The following MRPS16 variants were observed in gnomAD, a reference collection of about 807,000 sequenced individuals.
MRPS16 encodes the protein mitochondrial ribosomal protein S16.
MRPS16 carries 5 observed loss-of-function variants against 11.0 expected under a neutral mutation model. The observed-to-expected ratio is 0.46, with a 90% CI of 0.24 to 0.96. The LOEUF (loss-of-function observed/expected upper bound fraction) is 0.96, where lower values mean the gene tolerates loss of function less well. MRPS16 is among the 40% of genes least tolerant of loss of function. The probability of loss-of-function intolerance (pLI) is 0.20; values close to 1 mark genes in which losing one functional copy is unlikely to be tolerated. For synonymous variants in MRPS16, 76 were observed against 65.0 expected (o/e 1.17, Z -0.81); for missense variants, 179 against 174.4 (o/e 1.03, Z -0.15).
Position 73,252,031 on chromosome 10 carries a change from A to C in MRPS16, c.14-8T>G, listed in dbSNP as rs760558943. ...CCTTGCAGAGGAGAGTAGCTGTAGA[A>C]AAGCAGCTGGTTAGGACACAAAAAA... On this transcript the variant is annotated splice_region_variant and splice_polypyrimidine_tract_variant and intron_variant, in intron 1 of 2. Coordinates refer to ENST00000372945, the MANE Select transcript of MRPS16 (RefSeq NM_016065.4). The C allele has an allele frequency of 8.1e-6, 13 of 1,611,958 alleles. No individual in the cohort carries two copies. The highest frequency in any genetic ancestry group is 1.3e-5 in the African/African-American group (1 of 74,848).
rs1200364283 is a variant in MRPS16, at chr10:73,249,301, C to T, written c.*1551G>A. ...TCACTGACTTCAGGCTTTTAAAACA[C>T]ATGGGAATACTTGAGACCTAAGAAT... On this transcript the variant is annotated 3_prime_UTR_variant, in exon 3 of 3. Coordinates refer to ENST00000372945, the MANE Select transcript of MRPS16 (RefSeq NM_016065.4). 2.6e-6 allele frequency: 4 copies of T among 1,550,066 alleles called. No individual in the cohort carries two copies. Among genetic ancestry groups the T allele is most frequent in the Admixed American group, 3.9e-5 (2 of 50,982 alleles).
In MRPS16 at chr10:73,252,637, A is replaced by C; in HGVS notation, c.-155T>G. The stretch of plus-strand genomic sequence containing the variant: ...ACAAGCCCGAAAACCTCGACTCCGG[A>C]AGCGGATGATCCGCTCGCCACGCCT... On this transcript the variant is annotated 5_prime_UTR_variant, in exon 1 of 3. Transcript: ENST00000372945. 3.7e-6 allele frequency: 4 copies of C among 1,072,788 alleles called. No individual in the cohort carries two copies. Among genetic ancestry groups the C allele is most frequent in the South Asian group, 1.4e-5 (1 of 71,894 alleles). 66.5% of individuals were successfully genotyped at this position (1,072,788 alleles called of 1,614,324 possible).
Position 73,250,612 on chromosome 10 carries a change from C to T in MRPS16, c.*240G>A. ...AGCCCAACTCAAAAGTCCAATCCTC[C>T]CATAGCCACTGTCTATCCCAAGACA... On this transcript the variant is annotated 3_prime_UTR_variant, in exon 3 of 3. Transcript: ENST00000372945. 2.0e-6 allele frequency: 1 copy of T among 512,030 alleles called. No individual in the cohort carries two copies. The allele number at this position is 512,030 out of a possible 1,614,324, so 31.7% of individuals were successfully genotyped here. A position where few individuals can be genotyped will look rare whatever the true frequency, so the allele number is the denominator to read the frequency against.
At chr10:73,252,265 G>C in intron 1 of MRPS16, 1 of 1,039,792 alleles carries the variant, frequency 9.6e-7, no homozygotes, top group Non-Finnish European at 1.4e-6. Flanking sequence ...TGACCTTGTC[G>C]GAGCCTTAGC....
In MRPS16 at chr10:73,252,516, C is replaced by A; in HGVS notation, c.-34G>T. 1 of 1,604,574 alleles carries A rather than the reference C, an allele frequency of 6.2e-7. No individual in the cohort carries two copies. Among genetic ancestry groups the A allele is most frequent in the Non-Finnish European group, 8.5e-7 (1 of 1,179,346 alleles). On this transcript the variant is annotated 5_prime_UTR_variant, in exon 1 of 3. Coordinates refer to ENST00000372945, the MANE Select transcript of MRPS16 (RefSeq NM_016065.4). ...CGGCGTGCGGCTCCTCGGAGAGCCC[C>A]GCTACCCGCACGCACCAGCTCTACG...
Position 73,251,806 on chromosome 10 carries a change from A to T in MRPS16, c.231T>A (p.Ile77=). ...GCTTAGAGAGGTGGGCCCCGCAGCC[A>T]ATCCAATGACGGATCCTGTCTAGGT... The part of the protein sequence containing the change: ...ALNLDRIRHW[I]GCGAHLSKPM... Residue 77 remains isoleucine, a synonymous_variant, in exon 2 of 3, where the codon ATT becomes ATA. Transcript: ENST00000372945. The T allele has an allele frequency of 6.2e-7, 1 of 1,614,232 alleles. No individual in the cohort carries two copies. Among genetic ancestry groups the T allele is most frequent in the Non-Finnish European group, 8.5e-7 (1 of 1,180,048 alleles).
rs1487194974 is a variant in MRPS16 at position 73,251,746 on chromosome 10, G to A, written c.274+17C>T. On this transcript the variant is annotated intron_variant, in intron 2 of 2. Coordinates refer to ENST00000372945, the MANE Select transcript of MRPS16 (RefSeq NM_016065.4). ...GTTTAAAATCCCCTCAATAAGGTAAGACCAGAGCTGAGTTACCCAGAAGCT... is the reference window on the plus strand; with the variant it reads ...GTTTAAAATCCCCTCAATAAGGTAAAACCAGAGCTGAGTTACCCAGAAGCT... 3 of 1,613,978 alleles carry A rather than the reference G, an allele frequency of 1.9e-6. No homozygotes were observed. Among genetic ancestry groups the A allele is most frequent in the Non-Finnish European group, 1.7e-6 (2 of 1,180,032 alleles).
In MRPS16 at chr10:73,252,527, C is replaced by G; in HGVS notation, c.-45G>C. 1 of 1,602,614 alleles carries G rather than the reference C, an allele frequency of 6.2e-7. No individual in the cohort carries two copies. Among genetic ancestry groups the G allele is most frequent in the Non-Finnish European group, 8.5e-7 (1 of 1,178,902 alleles). ...TCCTCGGAGAGCCCCGCTACCCGCA[C>G]GCACCAGCTCTACGGCCTTGGCAGG... On this transcript the variant is annotated 5_prime_UTR_variant, in exon 1 of 3. Transcript: ENST00000372945.
At position 73,252,018 on chromosome 10, in the gene MRPS16, G is replaced by C. The variant is rs770321125; in HGVS notation, c.19C>G (p.Leu7Val). Reference protein sequence around the residue: MVHLTTLLCKAYRGGHL... With the variant: MVHLTTVLCKAYRGGHL... Reference sequence around the variant, plus strand: ...CCCCCACGGTAGGCCTTGCAGAGGAGAGTAGCTGTAGAAAAGCAGCTGGTT... The same window carrying C: ...CCCCCACGGTAGGCCTTGCAGAGGACAGTAGCTGTAGAAAAGCAGCTGGTT... The change falls in exon 2 of 3, where the codon CTC (leucine) becomes GTC (valine). Residue 7 changes from leucine (L) to valine (V), a missense_variant. Coordinates refer to ENST00000372945, the MANE Select transcript of MRPS16 (RefSeq NM_016065.4). 1.2e-6 allele frequency: 2 copies of C among 1,613,492 alleles called. No homozygotes were observed. Among genetic ancestry groups the C allele is most frequent in the South Asian group, 2.2e-5 (2 of 90,990 alleles).
Position 73,250,699 on chromosome 10 carries a change from C to T in MRPS16, c.*153G>A, listed in dbSNP as rs1238442676. ...CTAAGTCACACAAGAACAAATCTCT[C>T]CCTGGGCCCTGTGCAGGCCAGGCCA... On this transcript the variant is annotated 3_prime_UTR_variant, in exon 3 of 3. Transcript: ENST00000372945. 3 of 1,001,650 alleles carry T rather than the reference C, an allele frequency of 3.0e-6. No homozygotes were observed. Among genetic ancestry groups the T allele is most frequent in the Non-Finnish European group, 4.6e-6 (3 of 646,928 alleles). The allele number at this position is 1,001,650 out of a possible 1,614,324, so 62.0% of individuals were successfully genotyped here.
At position 73,249,862 on chromosome 10, in the gene MRPS16, G is replaced by A. The variant is rs1192525643; in HGVS notation, c.*990C>T. On this transcript the variant is annotated 3_prime_UTR_variant, in exon 3 of 3. Transcript: ENST00000372945. ...GGAGGCCGAGGTGGGCAGATCACAAGGTCAGATTGAGACCATCCTGGCCAA... is the reference window on the plus strand; with the variant it reads ...GGAGGCCGAGGTGGGCAGATCACAAAGTCAGATTGAGACCATCCTGGCCAA... The A allele has an allele frequency of 2.0e-5, 3 of 152,698 alleles. No individual in the cohort carries two copies. The highest frequency in any genetic ancestry group is 4.1e-4 in the South Asian group (2 of 4,836). 9.5% of individuals were successfully genotyped at this position (152,698 alleles called of 1,614,324 possible). A position where few individuals can be genotyped will look rare whatever the true frequency, so the allele number is the denominator to read the frequency against.
rs2044078892 is a variant in MRPS16 at position 73,250,780 on chromosome 10, T to G, written c.*72A>C. The G allele has an allele frequency of 6.3e-7, 1 of 1,584,436 alleles. No homozygotes were observed. Among genetic ancestry groups the G allele is most frequent in the South Asian group, 1.1e-5 (1 of 90,276 alleles). On this transcript the variant is annotated 3_prime_UTR_variant, in exon 3 of 3. Transcript: ENST00000372945. ...TTATTGAACTCCAAATCTAACAAAATTAAGATCGCTGCAGTGTTTCAAAAG... is the reference window on the plus strand; with the variant it reads ...TTATTGAACTCCAAATCTAACAAAAGTAAGATCGCTGCAGTGTTTCAAAAG...
At position 73,251,826 on chromosome 10, in the gene MRPS16, C is replaced by G; in HGVS notation, c.211G>C (p.Asp71His). 1 of 1,614,204 alleles carries G rather than the reference C, an allele frequency of 6.2e-7. No homozygotes were observed. The highest frequency in any genetic ancestry group is 1.1e-5 in the South Asian group (1 of 91,088). ...CAGCCAATCCAATGACGGATCCTGT[C>G]TAGGTTGAGGGCAACGAGTTTTTCT... ...HGEKLVALNL[D>H]RIRHWIGCGA... The change falls in exon 2 of 3, where the codon GAC (aspartate) becomes CAC (histidine). Residue 71 changes from aspartate (D) to histidine (H), a missense_variant. Coordinates refer to ENST00000372945, the MANE Select transcript of MRPS16 (RefSeq NM_016065.4).
Position 73,249,526 on chromosome 10 carries a change from C to A in MRPS16, c.*1326G>T. The A allele has an allele frequency of 2.0e-6, 1 of 507,642 alleles. No individual in the cohort carries two copies. The highest frequency in any genetic ancestry group is 3.2e-5 in the East Asian group (1 of 31,136). The allele number at this position is 507,642 out of a possible 1,614,324, so 31.4% of individuals were successfully genotyped here. Reference sequence around the variant, plus strand: ...AACACAGAGCAGCCTTCTTAACCTGCTCCATAAAATTACCAGCAAGAAAGA... The same window carrying A: ...AACACAGAGCAGCCTTCTTAACCTGATCCATAAAATTACCAGCAAGAAAGA... On this transcript the variant is annotated 3_prime_UTR_variant, in exon 3 of 3. Transcript: ENST00000372945.
chr10:73,252,088 C>T (rs892160544), intron 1 of MRPS16, 65 bp from the exon 2 acceptor site: 1 of 1,563,676 alleles, frequency 6.4e-7, no homozygotes, highest in East Asian at 2.4e-5. Context: ...ACACAGACGG[C>T]ACAATTCCCT....
At chr10:73,251,702 T>G in intron 2 of MRPS16, 61 bp downstream of exon 2, 1 of 1,609,988 alleles carries the variant, frequency 6.2e-7, no homozygotes, top group Non-Finnish European at 8.5e-7. Flanking sequence ...TTACACCTAC[T>G]GTCCTGGAGC....
chr10:73,252,158 CTTCT>C (rs993842333), intron 1 of MRPS16, 135 bp from the exon 2 acceptor site: 7 of 1,372,944 alleles, frequency 5.1e-6, no homozygotes, highest in Non-Finnish European at 7.0e-6. Context: ...AGATGCTACT[CTTCT>C]TTGTGAAACC....
In MRPS16 at chr10:73,251,904, C is replaced by T; in HGVS notation, c.133G>A (p.Gly45Ser). The change falls in exon 2 of 3, where the codon GGC (glycine) becomes AGC (serine). Residue 45 changes from glycine to serine, a missense_variant. Gly to Ser is a moderately conservative substitution (Grantham distance 56). Coordinates refer to ENST00000372945, the MANE Select transcript of MRPS16 (RefSeq NM_016065.4). ...GAGCCCAGCTGCTCTACGAAACGGC[C>T]ATCCCTGGGACACTTGTTGTGAGCA... ...VAAHNKCPRD[G>S]RFVEQLGSYD... The T allele has an allele frequency of 6.2e-7, 1 of 1,614,204 alleles. No homozygotes were observed.
chr10:73,251,778 T>C lies in MRPS16; in HGVS notation c.259A>G (p.Met87Val), dbSNP rs761154662. 3 of 1,614,196 alleles carry C rather than the reference T, an allele frequency of 1.9e-6. No individual in the cohort carries two copies. The highest frequency in any genetic ancestry group is 3.3e-4 in the Middle Eastern group (2 of 6,058). Residue 87 changes from methionine (M) to valine (V), a missense_variant, in exon 2 of 3, where the codon ATG becomes GTG. By Grantham distance (21) the Met-to-Val change is conservative (BLOSUM62 1). Coordinates refer to ENST00000372945, the MANE Select transcript of MRPS16 (RefSeq NM_016065.4). ...IGCGAHLSKP[M>V]EKLLGLAGFF... is the part of the protein sequence containing the mutation. ...GCTGAGTTACCCAGAAGCTTTTCCA[T>C]AGGCTTAGAGAGGTGGGCCCCGCAG...
Sources: allele counts gnomAD v4.1 joint callset, GRCh38; gene constraint gnomAD v4.1.1; transcripts MANE v1.5; gene names NCBI Gene and HGNC (gene_info 2026-07-23, HGNC 2026-07-21).